Variants in SNUPN observed in about 807,000 individuals in gnomAD.
The protein encoded by SNUPN is snurportin 1.
Under a neutral mutation model 39.2 loss-of-function variants are expected in SNUPN, and 31 were observed. That is an observed-to-expected ratio of 0.79 (90% confidence interval 0.59 to 1.07). The LOEUF (loss-of-function observed/expected upper bound fraction) is 1.07. Among genes scored for constraint, SNUPN ranks in the 50% least tolerant of loss-of-function variants. The probability of loss-of-function intolerance (pLI) is 0.00; values close to 1 mark genes in which losing one functional copy is unlikely to be tolerated. For synonymous variants in SNUPN, 132 were observed against 159.0 expected, an observed-to-expected ratio of 0.83 and a Z score of 1.28; for missense variants, 382 against 434.2, an observed-to-expected ratio of 0.88 and a Z score of 1.07.
Position 75,607,289 on chromosome 15 carries a change from T to C in SNUPN, c.527A>G (p.Tyr176Cys). 5 of 1,613,250 alleles carry C rather than the reference T, an allele frequency of 3.1e-6. No individual in the cohort carries two copies. Among genetic ancestry groups the C allele is most frequent in the Non-Finnish European group, 4.2e-6 (5 of 1,179,212 alleles). ...GTAGTAGGTCTGGTTTACCTCATTG[T>C]AAATGCAATCTAGAATGGTGTAGTC... ...AKDYTILDCI[Y>C]NEVNQTYYVL... Residue 176 changes from tyrosine to cysteine, a missense_variant, in exon 6 of 9, where the codon TAC (tyrosine) becomes TGC (cysteine). Tyr to Cys is a radical substitution (Grantham distance 194, BLOSUM62 -2). Transcript: ENST00000308588.
rs781658968 is a variant in SNUPN, at chr15:75,605,119, G to C, written c.678+31C>G. Reference sequence around the variant, plus strand: ...GACCAATCCACACTACTCCCCATAAGGAACTCAGTGATCCTAACACCAGGC... The same window carrying C: ...GACCAATCCACACTACTCCCCATAACGAACTCAGTGATCCTAACACCAGGC... On this transcript the variant is annotated intron_variant, in intron 7 of 8. Coordinates refer to ENST00000308588, the MANE Select transcript of SNUPN (RefSeq NM_005701.4). 7.1e-6 allele frequency: 10 copies of C among 1,405,786 alleles called. No individual in the cohort carries two copies. In the East Asian group the frequency reaches 2.3e-4, roughly 32 times the overall value. The allele number at this position is 1,405,786 out of a possible 1,614,324, so 87.1% of individuals were successfully genotyped here.
Position 75,598,527 on chromosome 15 carries a change from T to A in SNUPN, c.914A>T (p.Gln305Leu). 1 of 1,614,224 alleles carries A rather than the reference T, an allele frequency of 6.2e-7. No homozygotes were observed. Among genetic ancestry groups the A allele is most frequent in the South Asian group, 1.1e-5 (1 of 91,084 alleles). The change falls in exon 9 of 9, where the codon CAG becomes CTG. Residue 305 changes from glutamine (Q) to leucine (L), a missense_variant. Gln to Leu is a moderately radical substitution (Grantham distance 113, BLOSUM62 -2). Coordinates refer to ENST00000308588, the MANE Select transcript of SNUPN (RefSeq NM_005701.4). ...CTTGTGCTCCATAATCTGCTGGAGC[T>A]GGTGCCCAGCATAGTCTGGCTTGGT... Reference protein sequence around the residue: ...LTTKPDYAGHQLQQIMEHKKS... With the variant: ...LTTKPDYAGHLLQQIMEHKKS...
intron 8 of SNUPN, 90 bp downstream of exon 8, chr15:75,601,048 A>C: frequency 1.0e-6 from 1 of 961,748 alleles, no homozygotes. Context: ...TTGACACAGC[A>C]CAATCAAGGA....
At chr15:75,623,763 CTT>C (rs1893138032) in intron 1 of SNUPN, among the ~76,000 whole-genome samples, 1 of 151,666 alleles carries the variant, frequency 6.6e-6, no homozygotes, top group African/African-American at 2.4e-5. Context: ...GCCTTAATAT[CTT>C]TGCAATGCAA....
At chr15:75,623,385 C>CCGGGGAGAT in intron 1 of SNUPN, among the ~76,000 whole-genome samples, 1 of 150,928 alleles carries the variant, frequency 6.6e-6, no homozygotes, top group East Asian at 1.9e-4. Flanking sequence ...TCCCGACCTC[C>CCGGGGAGAT]TGATCTGCCC....
intron 8 of SNUPN, among the ~76,000 whole-genome samples, chr15:75,599,534 T>C (rs2075268883): frequency 6.6e-6 from 1 of 152,224 alleles, no homozygotes; most frequent in African/African-American, 2.4e-5. Context: ...CTGGCTACTG[T>C]TGGTTGCCTA....
chr15:75,599,557 A>G (rs1857053810), intron 8 of SNUPN, among the ~76,000 whole-genome samples: 1 of 152,018 alleles, frequency 6.6e-6, no homozygotes, highest in Non-Finnish European at 1.5e-5. Flanking sequence ...CCTCCCCCTA[A>G]ATTGTTTGTG....
intron 1 of SNUPN, chr15:75,624,604 C>T (rs777193353): frequency 1.6e-4 from 71 of 442,882 alleles, no homozygotes; most frequent in Non-Finnish European, 1.9e-4. Context: ...ACCCGTAAGG[C>T]GGAGCTTGCA....
intron 4 of SNUPN, 88 bp from the exon 5 acceptor site, chr15:75,609,739 C>T: frequency 8.5e-7 from 1 of 1,183,006 alleles, no homozygotes. Context: ...GTTACTCGAC[C>T]AAAGATGGCT....
Position 75,621,071 on chromosome 15 carries a change from G to A in SNUPN, c.-5-15C>T, listed in dbSNP as rs768421034. ...TTCCATCTTCCCTACAAAGGAAAACGTAAGAAAATGGTTCATTCATTTCAT... is the reference window on the plus strand; with the variant it reads ...TTCCATCTTCCCTACAAAGGAAAACATAAGAAAATGGTTCATTCATTTCAT... On this transcript the variant is annotated splice_polypyrimidine_tract_variant and intron_variant, in intron 1 of 8. Transcript: ENST00000308588. 7.6e-5 allele frequency: 122 copies of A among 1,612,906 alleles called. No homozygotes were observed. The highest frequency in any genetic ancestry group is 9.8e-5 in the Non-Finnish European group (116 of 1,179,472).
intron 8 of SNUPN, 66 bp from the exon 9 acceptor site, chr15:75,598,747 T>C: frequency 7.6e-7 from 1 of 1,308,220 alleles, no homozygotes; most frequent in Non-Finnish European, 1.1e-6. Context: ...GGAGAGCCTA[T>C]ACACACAAGG....
At chr15:75,599,714 CCTT>C (rs1375131650) in intron 8 of SNUPN, among the ~76,000 whole-genome samples, 2 of 152,182 alleles carry the variant, frequency 1.3e-5, no homozygotes, top group Non-Finnish European at 2.9e-5. Flanking sequence ...ATTCTTACCA[CCTT>C]CTTAATTGAC....
At chr15:75,601,279 G>A in intron 7 of SNUPN, 61 bp from the exon 8 acceptor site, 2 of 1,217,266 alleles carry the variant, frequency 1.6e-6, no homozygotes, top group African/African-American at 1.5e-5. Flanking sequence ...CCAAGCAATT[G>A]AAAATCTCTG....
chr15:75,620,593 G>C (rs77237991), intron 2 of SNUPN, among the ~76,000 whole-genome samples: 26 of 152,140 alleles, frequency 1.7e-4, no homozygotes, highest in African/African-American at 6.3e-4. Context: ...CGTGGCTTTC[G>C]CAAGTTCCTA....
At chr15:75,624,841 C>G in intron 1 of SNUPN, 1 of 577,362 alleles carries the variant, frequency 1.7e-6, no homozygotes, top group Non-Finnish European at 2.7e-6. Flanking sequence ...GGCATGATCT[C>G]GGCTCACTGC....
At chr15:75,602,933 A>G (rs1166181582) in intron 7 of SNUPN, among the ~76,000 whole-genome samples, 1 of 151,932 alleles carries the variant, frequency 6.6e-6, no homozygotes, top group Non-Finnish European at 1.5e-5. Context: ...TTTCTTTTGT[A>G]GAGATGGGGT....
At chr15:75,604,802 TGTG>T (rs144199572) in intron 7 of SNUPN, among the ~76,000 whole-genome samples, 26,029 of 152,000 alleles carry the variant, frequency 0.17, 2,977 homozygotes, top group Non-Finnish European at 0.25. Flanking sequence ...TAAGTTCTTT[TGTG>T]GTGATTTCTG....
At chr15:75,601,008 C>T in intron 8 of SNUPN, 130 bp downstream of exon 8, 1 of 726,926 alleles carries the variant, frequency 1.4e-6, no homozygotes. Context: ...CATCCTTTCT[C>T]CAGAATCAGC....
chr15:75,624,217 G>A (rs1366500983), intron 1 of SNUPN, among the ~76,000 whole-genome samples: 1 of 149,908 alleles, frequency 6.7e-6, no homozygotes, highest in Non-Finnish European at 1.5e-5. Context: ...GTGAGCCACC[G>A]CGCCCGGCCG....
Sources: gnomAD v4.1 joint callset for allele counts (sites outside exome capture counted in the v4.1 genomes callset) on GRCh38, gnomAD v4.1.1 for gene constraint, MANE v1.5 for transcripts, NCBI Gene and HGNC (gene_info 2026-07-23, HGNC 2026-07-21) for gene names.